The following FAAH2 variants were observed in gnomAD, a reference collection of about 807,000 sequenced individuals.
FAAH2 encodes the protein fatty acid amide hydrolase 2.
Under a neutral mutation model 36.9 loss-of-function variants are expected in FAAH2, and 60 were observed. The ratio of observed to expected loss-of-function variants is 1.63; its 90% CI spans 1.32 to 2.02. FAAH2 has a LOEUF of 2.02. Ranked by LOEUF, FAAH2 falls within the 30% of genes most tolerant of loss-of-function variation. The pLI, the probability that FAAH2 is intolerant of heterozygous loss-of-function variation, is 0.00. For missense variants in FAAH2, 689 were observed against 397.5 expected (o/e 1.73, Z -6.23); for synonymous variants, 214 against 143.8 (o/e 1.49, Z -3.49).
At chrX:57,132,404 T>G in the FAAH2 span, among the ~76,000 whole-genome samples, 1 of 112,355 alleles carries the variant, frequency 8.9e-6, no homozygotes, top group Non-Finnish European at 1.9e-5. Flanking sequence ...AATCTAGGCG[T>G]TGAGTATAGA....
At chrX:57,254,852 A>G in the FAAH2 span, among the ~76,000 whole-genome samples, 1 of 111,780 alleles carries the variant, frequency 8.9e-6, no homozygotes, top group Admixed American at 9.5e-5. Context: ...CCCTAACATC[A>G]AAATTAAAAG....
intron 8 of FAAH2, among the ~76,000 whole-genome samples, chrX:57,442,685 A>G (rs2056588109): frequency 8.9e-6 from 1 of 111,788 alleles, no homozygotes; most frequent in Non-Finnish European, 1.9e-5. Context: ...TCATTAGTTG[A>G]TGCAGTTTCT....
At chrX:57,295,777 C>A (rs774940317) in intron 2 of FAAH2, among the ~76,000 whole-genome samples, 28 of 112,049 alleles carry the variant, frequency 2.5e-4, no homozygotes, top group Non-Finnish European at 4.7e-4. Flanking sequence ...GCTTTTCCAA[C>A]AAGCTTAACA....
At chrX:57,232,536 G>A in the FAAH2 span, among the ~76,000 whole-genome samples, 1 of 112,040 alleles carries the variant, frequency 8.9e-6, no homozygotes, top group Non-Finnish European at 1.9e-5. Flanking sequence ...TCAGAATATG[G>A]GAGGAGACTA....
chrX:57,376,928 A>G (rs947652604), intron 5 of FAAH2, among the ~76,000 whole-genome samples: 1 of 111,352 alleles, frequency 9.0e-6, no homozygotes, highest in Non-Finnish European at 1.9e-5. Flanking sequence ...TTTTTTTTGC[A>G]TATGTTTGTT....
chrX:57,328,186 T>C (rs1165998839), intron 3 of FAAH2, among the ~76,000 whole-genome samples: 1 of 111,464 alleles, frequency 9.0e-6, no homozygotes, highest in East Asian at 2.8e-4. Context: ...TGCTGCCTGA[T>C]CGTTCCTCCG....
At chrX:57,405,904 A>ACTAC (rs1305394444) in intron 7 of FAAH2, among the ~76,000 whole-genome samples, 1 of 107,383 alleles carries the variant, frequency 9.3e-6, no homozygotes, top group African/African-American at 3.4e-5. Context: ...ATCTAATTGA[A>ACTAC]CTACCTTACA....
intron 10 of FAAH2, among the ~76,000 whole-genome samples, chrX:57,462,246 C>G (rs922619941): frequency 1.9e-5 from 2 of 107,271 alleles, no homozygotes; most frequent in African/African-American, 6.7e-5. Flanking sequence ...GCAGTTGGTA[C>G]TATTCCTTCT....
chrX:57,466,193 T>A (rs776167581), intron 10 of FAAH2, among the ~76,000 whole-genome samples: 2 of 92,701 alleles, frequency 2.2e-5, no homozygotes, highest in South Asian at 5.5e-4. Flanking sequence ...CACACACACA[T>A]AGTATACATA....
At position 57,327,856 on chromosome X, in the gene FAAH2, C is replaced by T. The variant is rs767926178; in HGVS notation, c.413-3742C>T. 6.3e-5 allele frequency among the ~76,000 whole-genome samples: 7 copies of T among 111,988 alleles called. No homozygotes were observed. The South Asian group carries it at 2.3e-3, about 36-fold the overall frequency. On this transcript the variant is annotated intron_variant, in intron 3 of 10. Coordinates refer to ENST00000374900, the MANE Select transcript of FAAH2 (RefSeq NM_174912.4). ...CTCTGAACTCGTGAAAGTCATTCTC[C>T]ATCCAGCTTTGTTGCATTGCTGATT...
chrX:57,162,392 A>G, the FAAH2 span, among the ~76,000 whole-genome samples: 1 of 110,973 alleles, frequency 9.0e-6, no homozygotes, highest in Non-Finnish European at 1.9e-5. Flanking sequence ...TATTTCCTGT[A>G]TCTGAATGTT....
chrX:57,355,796 A>G (rs903151184), intron 5 of FAAH2, among the ~76,000 whole-genome samples: 18 of 111,160 alleles, frequency 1.6e-4, no homozygotes, highest in African/African-American at 5.5e-4. Flanking sequence ...TCACTTAATT[A>G]TTCTGACTAG....
chrX:57,137,435 G>A, the FAAH2 span: 4 of 669,626 alleles, frequency 6.0e-6, no homozygotes, highest in South Asian at 7.7e-5. Flanking sequence ...CTCGCTGGCC[G>A]TCTACCTCCC....
In FAAH2 at chrX:57,337,743, A is replaced by G. The variant is rs544343179; in HGVS notation, c.623-3528A>G. 2.0e-3 allele frequency among the ~76,000 whole-genome samples: 219 copies of G among 112,106 alleles called. 6 individuals carry two copies. The South Asian group carries it at 0.074, about 38-fold the overall frequency. On this transcript the variant is annotated intron_variant, in intron 4 of 10. Transcript: ENST00000374900. ...AAACTTTTAATAAACTAGGTATTGA[A>G]GGAACATACCTCAAAATAATAAGAT...
At chrX:57,228,547 G>T in the FAAH2 span, among the ~76,000 whole-genome samples, 1 of 111,211 alleles carries the variant, frequency 9.0e-6, no homozygotes, top group Non-Finnish European at 1.9e-5. Context: ...GAGGGTCTGT[G>T]GGTCCTCTCA....
intron 7 of FAAH2, among the ~76,000 whole-genome samples, chrX:57,389,008 G>C (rs758216380): frequency 3.7e-5 from 4 of 109,142 alleles, no homozygotes; most frequent in African/African-American, 1.3e-4. Flanking sequence ...CCTAGTAAAG[G>C]ACATCTTGGT....
the FAAH2 span, among the ~76,000 whole-genome samples, chrX:57,172,177 G>A: frequency 1.8e-5 from 2 of 111,891 alleles, no homozygotes; most frequent in Non-Finnish European, 3.8e-5. Context: ...TTTGAAGTCA[G>A]GTAATGTGAT....
intron 7 of FAAH2, among the ~76,000 whole-genome samples, chrX:57,398,679 C>T (rs1344704918): frequency 9.0e-6 from 1 of 111,158 alleles, no homozygotes; most frequent in Non-Finnish European, 1.9e-5. Context: ...GTCCCTCCCT[C>T]TGTGCTCTCA....
chrX:57,157,471 C>T, the FAAH2 span, among the ~76,000 whole-genome samples: 1 of 111,561 alleles, frequency 9.0e-6, no homozygotes, highest in Non-Finnish European at 1.9e-5. Context: ...CAGTAGAAGT[C>T]TGCCTGGTGT....
Sources: allele counts gnomAD v4.1 joint callset (sites outside exome capture counted in the v4.1 genomes callset), GRCh38; gene constraint gnomAD v4.1.1; transcripts MANE v1.5; gene names NCBI Gene and HGNC (gene_info 2026-07-23, HGNC 2026-07-21).